The following SPARC variants were observed in gnomAD, a reference collection of about 807,000 sequenced individuals.
The protein encoded by SPARC is basement-membrane protein 40.
In SPARC, 23 loss-of-function variants were observed where a neutral mutation model predicts 37.7. That is an observed-to-expected ratio of 0.61 (90% CI 0.44 to 0.87). The LOEUF (loss-of-function observed/expected upper bound fraction) is 0.87, where lower values mean the gene tolerates loss of function less well. Among genes scored for constraint, SPARC ranks in the 40% least tolerant of loss-of-function variants. The probability of loss-of-function intolerance (pLI) is 0.00; values close to 1 mark genes in which losing one functional copy is unlikely to be tolerated. For synonymous variants in SPARC, 155 were observed against 150.8 expected, an observed-to-expected ratio of 1.03 and a Z score of -0.20; for missense variants, 312 against 389.0, an observed-to-expected ratio of 0.80 and a Z score of 1.66.
rs77077875 is a variant in SPARC, at chr5:151,680,897, T to A, written c.-13-4696A>T. On this transcript the variant is annotated intron_variant, in intron 1 of 9. Transcript: ENST00000231061. ...CCAGAATCTCCATCCCCCGAAAGAA[T>A]TCAGTGCAAAATTCCAGTGCTTTAT... 9.5e-3 allele frequency among the ~76,000 whole-genome samples: 1,448 copies of A among 152,232 alleles called. 22 individuals carry two copies. The highest frequency in any genetic ancestry group is 0.034 in the African/African-American group (1,407 of 41,538).
At chr5:151,673,719 C>A (rs1260963011) in intron 3 of SPARC, among the ~76,000 whole-genome samples, 1 of 152,210 alleles carries the variant, frequency 6.6e-6, no homozygotes, top group Non-Finnish European at 1.5e-5. Flanking sequence ...GTTGTCTTGC[C>A]TTAGCGAACT....
rs1256033016 is a variant in SPARC at position 151,663,255 on chromosome 5, A to G, written c.*316T>C. 9.3e-6 allele frequency: 3 copies of G among 321,622 alleles called. No individual in the cohort carries two copies. Among genetic ancestry groups the G allele is most frequent in the Admixed American group, 4.8e-5 (1 of 20,954 alleles). The allele number at this position is 321,622 out of a possible 1,614,324, so 19.9% of individuals were successfully genotyped here. On this transcript the variant is annotated 3_prime_UTR_variant, in exon 10 of 10. Coordinates refer to ENST00000231061, the MANE Select transcript of SPARC (RefSeq NM_003118.4). ...CACTAAAGAGAAAAGTTGAAGCTGC[A>G]ATGTGTGTTTAAGGCAGAGCCCAGC...
At chr5:151,674,202 A>C (rs577639972) in intron 3 of SPARC, among the ~76,000 whole-genome samples, 1 of 152,096 alleles carries the variant, frequency 6.6e-6, no homozygotes, top group Admixed American at 6.6e-5. Context: ...TAGTAGAGAC[A>C]GGGTTTCACC....
chr5:151,680,417 G>A (rs1038393688), intron 1 of SPARC, among the ~76,000 whole-genome samples: 1 of 123,202 alleles, frequency 8.1e-6, no homozygotes, highest in African/African-American at 3.3e-5. Context: ...TTTCTTTTTT[G>A]TAGAGATGGG....
intron 2 of SPARC, among the ~76,000 whole-genome samples, chr5:151,675,726 A>G (rs1209850748): frequency 6.6e-6 from 1 of 151,956 alleles, no homozygotes; most frequent in Non-Finnish European, 1.5e-5. Context: ...CAACCAAACA[A>G]CCCTCACTGT....
rs1442448112 is a variant in SPARC at position 151,663,330 on chromosome 5, T to C, written c.*241A>G. The stretch of plus-strand genomic sequence containing the variant: ...ATAAGACAATGGGCAAAGCTACAAA[T>C]GGCAAGAGAAAAATGGGACTATTAA... On this transcript the variant is annotated 3_prime_UTR_variant, in exon 10 of 10. Transcript: ENST00000231061. 1.9e-6 allele frequency: 1 copy of C among 527,570 alleles called. No homozygotes were observed. Among genetic ancestry groups the C allele is most frequent in the Non-Finnish European group, 3.4e-6 (1 of 296,986 alleles). The allele number at this position is 527,570 out of a possible 1,614,324, so 32.7% of individuals were successfully genotyped here. A position where few individuals can be genotyped will look rare whatever the true frequency, so the allele number is the denominator to read the frequency against.
chr5:151,681,769 T>C (rs966505375), intron 1 of SPARC, among the ~76,000 whole-genome samples: 1 of 152,110 alleles, frequency 6.6e-6, no homozygotes, highest in Non-Finnish European at 1.5e-5. Context: ...GGCGGGCGCC[T>C]AAAATCCCAG....
At chr5:151,682,121 C>A (rs1175529558) in intron 1 of SPARC, among the ~76,000 whole-genome samples, 3 of 152,198 alleles carry the variant, frequency 2.0e-5, no homozygotes, top group African/African-American at 7.2e-5. Flanking sequence ...CCACTTGCCC[C>A]TTGACTCCCT....
intron 5 of SPARC, 23 bp downstream of exon 5, chr5:151,671,549 CT>C (rs768841550): frequency 6.1e-5 from 95 of 1,545,208 alleles, no homozygotes; most frequent in Non-Finnish European, 7.3e-5. Flanking sequence ...TCCCTTCCCC[CT>C]GCCCCTGTCT....
chr5:151,685,863 G>GC (rs1761128002), intron 1 of SPARC: 1 of 152,164 alleles, frequency 6.6e-6, no homozygotes, highest in African/African-American at 2.4e-5. Flanking sequence ...TCATCCCAGT[G>GC]CCCCCCTTCC....
Position 151,671,663 on chromosome 5 carries a change from G to A in SPARC, c.240C>T (p.Gly80=). The change falls in exon 5 of 10, where the codon GGC becomes GGT. Residue 80 remains glycine, a synonymous_variant. Coordinates refer to ENST00000231061, the MANE Select transcript of SPARC (RefSeq NM_003118.4). The part of the protein sequence containing the change: ...NPCQNHHCKH[G]KVCELDENNT... ...TGTTCTCATCCAGCTCGCACACCTT[G>A]CCGTGTTTGCAGTGGTGGTTCTGGC... The A allele has an allele frequency of 1.2e-6, 2 of 1,613,434 alleles. No homozygotes were observed. The highest frequency in any genetic ancestry group is 1.3e-5 in the African/African-American group (1 of 74,982).
chr5:151,671,551 G>C, intron 5 of SPARC, 22 bp downstream of exon 5: 3 of 1,546,624 alleles, frequency 1.9e-6, no homozygotes, highest in Non-Finnish European at 1.7e-6. Context: ...CCTTCCCCCT[G>C]CCCCTGTCTC....
intron 5 of SPARC, 144 bp from the exon 6 acceptor site, chr5:151,669,928 AG>A (rs1163852036): frequency 2.5e-6 from 3 of 1,188,634 alleles, no homozygotes; most frequent in African/African-American, 3.0e-5. Flanking sequence ...AGTTAGTGAT[AG>A]GGCTGGGCCA....
chr5:151,676,164 G>A lies in SPARC; in HGVS notation c.25C>T (p.Leu9Phe). MRAWIFFLLCLAGRALAAP... is the reference protein window; with the variant it reads MRAWIFFLFCLAGRALAAP... ...GCCAAGGCCCTCCCGGCCAGGCAAA[G>A]GAGAAAGAAGATCCAGGCCCTCATG... The change falls in exon 2 of 10, where the codon CTT (leucine) becomes TTT (phenylalanine). Residue 9 changes from leucine to phenylalanine, a missense_variant. Coordinates refer to ENST00000231061, the MANE Select transcript of SPARC (RefSeq NM_003118.4). 1 of 1,612,432 alleles carries A rather than the reference G, an allele frequency of 6.2e-7. No homozygotes were observed. The highest frequency in any genetic ancestry group is 8.5e-7 in the Non-Finnish European group (1 of 1,179,474).
At chr5:151,677,403 C>G (rs1233960814) in intron 1 of SPARC, among the ~76,000 whole-genome samples, 1 of 152,202 alleles carries the variant, frequency 6.6e-6, no homozygotes, top group Non-Finnish European at 1.5e-5. Context: ...TCTCCCAAAA[C>G]CTCCCTGTCA....
chr5:151,683,642 C>T (rs1474301894), intron 1 of SPARC, among the ~76,000 whole-genome samples: 3 of 152,202 alleles, frequency 2.0e-5, no homozygotes, highest in Non-Finnish European at 2.9e-5. Flanking sequence ...CCATGTGTGG[C>T]TGCAAGTGGC....
chr5:151,680,710 T>C (rs1760969173), intron 1 of SPARC, among the ~76,000 whole-genome samples: 1 of 152,152 alleles, frequency 6.6e-6, no homozygotes, highest in African/African-American at 2.4e-5. Flanking sequence ...CCTTTAGAAA[T>C]CAACTTTACC....
intron 7 of SPARC, 73 bp downstream of exon 7, chr5:151,667,394 T>TG: frequency 6.3e-7 from 1 of 1,587,068 alleles, no homozygotes. Context: ...GCCCTGCAGC[T>TG]GGGGGCCCAG....
chr5:151,680,750 G>C (rs1760970038), intron 1 of SPARC, among the ~76,000 whole-genome samples: 1 of 152,290 alleles, frequency 6.6e-6, no homozygotes, highest in Non-Finnish European at 1.5e-5. Context: ...TCCCCAATGT[G>C]TAAAATGGAA....
Sources: gnomAD v4.1 joint callset for allele counts (sites outside exome capture counted in the v4.1 genomes callset) on GRCh38, gnomAD v4.1.1 for gene constraint, MANE v1.5 for transcripts, NCBI Gene and HGNC (gene_info 2026-07-23, HGNC 2026-07-21) for gene names.